Variants in PLCB1 observed in about 807,000 individuals in gnomAD.
The protein encoded by PLCB1 is phospholipase C beta 1, also known as 1-phosphatidylinositol 4,5-bisphosphate phosphodiesterase beta-1.
In PLCB1, 46 loss-of-function variants were observed where a neutral mutation model predicts 161.8. That is an observed-to-expected ratio of 0.28 (90% CI 0.22 to 0.36). PLCB1 has a LOEUF of 0.36. Among genes scored for constraint, PLCB1 ranks in the 10% least tolerant of loss-of-function variants. The pLI is 1.00. For missense variants in PLCB1, 1,016 were observed against 1,472.5 expected (o/e 0.69, Z 5.07); for synonymous variants, 517 against 503.7 (o/e 1.03, Z -0.35).
chr20:8,383,329 T>C (rs1473253235), intron 3 of PLCB1, among the ~76,000 whole-genome samples: 1 of 152,238 alleles, frequency 6.6e-6, no homozygotes, highest in African/African-American at 2.4e-5. Context: ...GTCTGTTTTG[T>C]CAGAGACTAG....
chr20:8,252,537 T>C (rs1568606086), intron 2 of PLCB1, among the ~76,000 whole-genome samples: 1 of 152,038 alleles, frequency 6.6e-6, no homozygotes, highest in African/African-American at 2.4e-5. Flanking sequence ...CATATAGCAT[T>C]AGAATAAATT....
chr20:8,445,259 A>G (rs977138738), intron 3 of PLCB1, among the ~76,000 whole-genome samples: 3 of 152,182 alleles, frequency 2.0e-5, no homozygotes, highest in South Asian at 2.1e-4. Context: ...TCAGCTGTCT[A>G]CATATGGCTA....
intron 2 of PLCB1, among the ~76,000 whole-genome samples, chr20:8,220,086 G>A (rs1003326813): frequency 2.0e-5 from 3 of 152,150 alleles, no homozygotes; most frequent in Admixed American, 6.5e-5. Context: ...TGGAGTTAAA[G>A]TTATACATTC....
intron 2 of PLCB1, among the ~76,000 whole-genome samples, chr20:8,238,653 A>G (rs925192956): frequency 6.6e-6 from 1 of 152,010 alleles, no homozygotes; most frequent in Non-Finnish European, 1.5e-5. Flanking sequence ...AAGGGGAAAA[A>G]GAGGTCAGTT....
chr20:8,789,612 ATG>A, intron 30 of PLCB1, 37 bp downstream of exon 30: 1 of 1,470,816 alleles, frequency 6.8e-7, no homozygotes, highest in Non-Finnish European at 9.5e-7. Context: ...TTTGCAAAAC[ATG>A]TGTGAACATT....
At chr20:8,702,766 G>T (rs148698935) in intron 11 of PLCB1, among the ~76,000 whole-genome samples, 44 of 152,226 alleles carry the variant, frequency 2.9e-4, no homozygotes, top group African/African-American at 1.0e-3. Context: ...ACCAATTACA[G>T]CAAGTATGAA....
chr20:8,623,969 T>A (rs545417838), intron 3 of PLCB1: 1 of 152,362 alleles, frequency 6.6e-6, no homozygotes, highest in South Asian at 2.1e-4. Flanking sequence ...GTCTGTGTTT[T>A]ATTTTCTGAG....
chr20:8,721,336 G>A (rs57758908), intron 14 of PLCB1, among the ~76,000 whole-genome samples: 4,659 of 152,258 alleles, frequency 0.031, 184 homozygotes, highest in African/African-American at 0.092. Context: ...CATTGTGTGA[G>A]CCCTGAAAGA....
chr20:8,786,926 A>G (rs1052460483), intron 27 of PLCB1, among the ~76,000 whole-genome samples: 5 of 152,118 alleles, frequency 3.3e-5, no homozygotes, highest in African/African-American at 1.2e-4. Flanking sequence ...GCTAGTCTCA[A>G]ACTCCTGACC....
intron 3 of PLCB1, among the ~76,000 whole-genome samples, chr20:8,414,490 C>T (rs773848959): frequency 1.3e-5 from 2 of 151,990 alleles, no homozygotes; most frequent in Non-Finnish European, 2.9e-5. Context: ...TTTCTGAATC[C>T]TGTATGAATG....
chr20:8,458,991 A>G (rs920098151), intron 3 of PLCB1, among the ~76,000 whole-genome samples: 3 of 152,348 alleles, frequency 2.0e-5, no homozygotes, highest in Non-Finnish European at 4.4e-5. Context: ...AGACTTTTAC[A>G]TAGAGGTGCA....
chr20:8,411,976 T>C (rs1030844595), intron 3 of PLCB1, among the ~76,000 whole-genome samples: 1 of 151,836 alleles, frequency 6.6e-6, no homozygotes, highest in Non-Finnish European at 1.5e-5. Flanking sequence ...TGAGCTGAGA[T>C]TGCACCATTG....
intron 2 of PLCB1, among the ~76,000 whole-genome samples, chr20:8,220,385 C>A (rs969535337): frequency 6.6e-6 from 1 of 152,268 alleles, no homozygotes; most frequent in African/African-American, 2.4e-5. Context: ...GTGTTCCCTG[C>A]AAATTCACAT....
chr20:8,739,570 C>T (rs994707649), intron 21 of PLCB1, among the ~76,000 whole-genome samples: 5 of 152,186 alleles, frequency 3.3e-5, no homozygotes, highest in Admixed American at 6.5e-5. Context: ...GTGTAACAAA[C>T]AATCTGAAAA....
intron 3 of PLCB1, among the ~76,000 whole-genome samples, chr20:8,449,790 C>G (rs1421779184): frequency 1.3e-5 from 2 of 152,192 alleles, no homozygotes; most frequent in Admixed American, 6.5e-5. Flanking sequence ...AATAAACTTC[C>G]TGCCCTCAAG....
intron 2 of PLCB1, among the ~76,000 whole-genome samples, chr20:8,365,376 T>C (rs1173538656): frequency 6.6e-6 from 1 of 152,208 alleles, no homozygotes; most frequent in African/African-American, 2.4e-5. Context: ...CCTTGGTTCT[T>C]ATTGATGACC....
At chr20:8,475,823 A>G (rs1568690523) in intron 3 of PLCB1, among the ~76,000 whole-genome samples, 1 of 152,234 alleles carries the variant, frequency 6.6e-6, no homozygotes. Context: ...TAATACTAGG[A>G]TAACTGGTAA....
intron 13 of PLCB1, among the ~76,000 whole-genome samples, 199 bp downstream of exon 13, chr20:8,716,547 C>T (rs1467498510): frequency 6.6e-6 from 1 of 152,210 alleles, no homozygotes; most frequent in East Asian, 1.9e-4. Flanking sequence ...CCTCTTCCCA[C>T]ACTCTTCTCT....
intron 14 of PLCB1, 123 bp from the exon 15 acceptor site, chr20:8,722,231 A>G: frequency 3.1e-6 from 2 of 636,994 alleles, no homozygotes; most frequent in South Asian, 5.0e-5. Context: ...TGAAAAAAAT[A>G]ATTTTAAACA....
Sources: gnomAD v4.1 joint callset for allele counts (sites outside exome capture counted in the v4.1 genomes callset) on GRCh38, gnomAD v4.1.1 for gene constraint, MANE v1.5 for transcripts, NCBI Gene and HGNC (gene_info 2026-07-23, HGNC 2026-07-21) for gene names.